RALYL: variants seen among roughly 807,000 people sequenced by gnomAD.
RALYL encodes the protein RNA-binding Raly-like protein.
In RALYL, 29 loss-of-function variants were observed where a neutral mutation model predicts 35.1. The ratio of observed to expected loss-of-function variants is 0.83; its 90% CI spans 0.61 to 1.13. The LOEUF is 1.13. Ranked by LOEUF, RALYL falls within the 50% of genes most tolerant of loss-of-function variation. RALYL has a pLI of 0.00. For missense variants in RALYL, 359 were observed against 360.4 expected, an observed-to-expected ratio of 1.00 and a Z score of 0.03; for synonymous variants, 120 against 127.6, an observed-to-expected ratio of 0.94 and a Z score of 0.40.
In RALYL at chr8:84,353,587, C is replaced by T. The variant is rs369033028; in HGVS notation, c.-24+169163C>T. On this transcript the variant is annotated intron_variant, in intron 1 of 8. Coordinates refer to ENST00000521268, the MANE Select transcript of RALYL (RefSeq NM_173848.7). ...TTCTACTTTTAGATATGCAAATTTA[C>T]GATTAATCAATGAGTCACTGAGAAA... is the stretch of plus-strand genomic sequence containing the variant. Among the ~76,000 whole-genome samples, 63 of 150,290 alleles carry T rather than the reference C, an allele frequency of 4.2e-4. 3 individuals carry two copies. In the South Asian group the frequency reaches 6.5e-3, roughly 15 times the overall value.
At chr8:84,735,640 T>C (rs1364163865) in intron 2 of RALYL, among the ~76,000 whole-genome samples, 1 of 152,030 alleles carries the variant, frequency 6.6e-6, no homozygotes, top group Non-Finnish European at 1.5e-5. Context: ...CCCACTTAAC[T>C]GGAACACTGA....
chr8:84,450,092 T>C (rs2049295618), intron 1 of RALYL, among the ~76,000 whole-genome samples: 1 of 151,804 alleles, frequency 6.6e-6, no homozygotes, highest in Admixed American at 6.6e-5. Context: ...ATTATTTTAA[T>C]TTTTACATAT....
chr8:84,524,036 T>G lies in RALYL; in HGVS notation c.-23-5263T>G, dbSNP rs1044659024. On this transcript the variant is annotated intron_variant, in intron 1 of 8. Transcript: ENST00000521268. ...AGTTCTTTGGGTATATACCCAGTAA[T>G]GGGATGGCTGGGTCAAATGGTATTT... Among the ~76,000 whole-genome samples, 24 of 152,048 alleles carry G rather than the reference T, an allele frequency of 1.6e-4. 1 individual carries two copies. The highest frequency in any genetic ancestry group is 1.5e-3 in the Admixed American group (23 of 15,256).
chr8:84,317,126 T>C (rs1013680646), intron 1 of RALYL, among the ~76,000 whole-genome samples: 2 of 152,186 alleles, frequency 1.3e-5, no homozygotes, highest in African/African-American at 4.8e-5. Flanking sequence ...AAACTTGCAC[T>C]ACATATTATT....
At chr8:84,799,731 C>T (rs916144792) in intron 3 of RALYL, among the ~76,000 whole-genome samples, 8 of 152,112 alleles carry the variant, frequency 5.3e-5, no homozygotes, top group South Asian at 2.1e-4. Context: ...CCGAGGCAGG[C>T]GGATCACGAG....
chr8:84,573,123 T>C (rs1381107392), intron 2 of RALYL, among the ~76,000 whole-genome samples: 1 of 151,402 alleles, frequency 6.6e-6, no homozygotes, highest in Non-Finnish European at 1.5e-5. Context: ...ACACAATATA[T>C]ATTTTTTTAC....
In RALYL at chr8:84,420,389, C is replaced by G. The variant is rs946707751; in HGVS notation, c.-23-108910C>G. Among the ~76,000 whole-genome samples the G allele has an allele frequency of 8.0e-4, 122 of 151,940 alleles. 1 individual carries two copies. Among genetic ancestry groups the G allele is most frequent in the East Asian group, 3.9e-4 (2 of 5,180 alleles). ...ATGTCCTTCACCCACTTTTTGATGG[C>G]GTTGTTTGTTTTTTTCTTGTACATT... On this transcript the variant is annotated intron_variant, in intron 1 of 8. Coordinates refer to ENST00000521268, the MANE Select transcript of RALYL (RefSeq NM_173848.7).
intron 1 of RALYL, among the ~76,000 whole-genome samples, chr8:84,249,349 C>T (rs184825577): frequency 2.0e-5 from 3 of 152,146 alleles, no homozygotes; most frequent in East Asian, 3.9e-4. Context: ...AAAACTTGTA[C>T]AAGAGTTTAG....
At chr8:84,629,360 G>GA (rs1000504498) in intron 2 of RALYL, among the ~76,000 whole-genome samples, 1 of 152,012 alleles carries the variant, frequency 6.6e-6, no homozygotes, top group African/African-American at 2.4e-5. Flanking sequence ...GAAAGTGTGG[G>GA]AAAAATACTT....
intron 1 of RALYL, among the ~76,000 whole-genome samples, chr8:84,464,732 G>T (rs373621713): frequency 6.6e-6 from 1 of 151,818 alleles, no homozygotes. Context: ...TTCCACAATG[G>T]TTGAACTAGT....
chr8:84,861,065 G>GT (rs946174397), intron 5 of RALYL, among the ~76,000 whole-genome samples: 26 of 151,518 alleles, frequency 1.7e-4, no homozygotes, highest in South Asian at 8.3e-4. Flanking sequence ...TATAGAACTT[G>GT]TTTTTTTTAT....
At chr8:84,604,720 AT>A (rs1330251022) in intron 2 of RALYL, among the ~76,000 whole-genome samples, 1 of 152,060 alleles carries the variant, frequency 6.6e-6, no homozygotes, top group Non-Finnish European at 1.5e-5. Context: ...CCTCATATCA[AT>A]TTGAGATCCA....
intron 1 of RALYL, among the ~76,000 whole-genome samples, chr8:84,488,427 C>T (rs2054887330): frequency 6.6e-6 from 1 of 152,012 alleles, no homozygotes; most frequent in South Asian, 2.1e-4. Context: ...CAAAAGTTCC[C>T]ATTTTCAAAA....
chr8:84,824,851 C>G (rs1485486337), intron 4 of RALYL, among the ~76,000 whole-genome samples: 5 of 152,082 alleles, frequency 3.3e-5, no homozygotes, highest in African/African-American at 9.7e-5. Context: ...TCACCAGATA[C>G]AAAAATTAAC....
At chr8:84,290,611 T>C (rs1232303306) in intron 1 of RALYL, among the ~76,000 whole-genome samples, 2 of 152,134 alleles carry the variant, frequency 1.3e-5, no homozygotes, top group Admixed American at 6.5e-5. Flanking sequence ...TTTACACTTC[T>C]TTTGTGGTGG....
intron 6 of RALYL, among the ~76,000 whole-genome samples, chr8:84,866,669 C>T (rs1563773127): frequency 6.6e-6 from 1 of 151,982 alleles, no homozygotes; most frequent in Non-Finnish European, 1.5e-5. Flanking sequence ...ATGTAGAGCT[C>T]TTAGAACAGT....
intron 2 of RALYL, among the ~76,000 whole-genome samples, chr8:84,752,000 G>A (rs191744872): frequency 9.9e-5 from 15 of 152,252 alleles, no homozygotes; most frequent in South Asian, 6.2e-4. Flanking sequence ...GGCAGAGGTC[G>A]GAACAGATTG....
chr8:84,735,920 A>G (rs574387999), intron 2 of RALYL, among the ~76,000 whole-genome samples: 3 of 151,988 alleles, frequency 2.0e-5, no homozygotes, highest in South Asian at 2.1e-4. Flanking sequence ...ATTTCTGACC[A>G]TGCTCCTTGG....
chr8:84,802,170 T>G (rs1823460271), intron 3 of RALYL, among the ~76,000 whole-genome samples: 1 of 152,208 alleles, frequency 6.6e-6, no homozygotes, highest in South Asian at 2.1e-4. Flanking sequence ...TGAAGTCACA[T>G]GGCTCTGTTT....
Sources: gnomAD v4.1 joint callset for allele counts (sites outside exome capture counted in the v4.1 genomes callset) on GRCh38, gnomAD v4.1.1 for gene constraint, MANE v1.5 for transcripts, NCBI Gene and HGNC (gene_info 2026-07-23, HGNC 2026-07-21) for gene names.